The following AGTPBP1 variants were observed in gnomAD, a reference collection of about 807,000 sequenced individuals.
The protein encoded by AGTPBP1 is ATP/GTP binding carboxypeptidase 1.
Under a neutral mutation model 143.9 loss-of-function variants are expected in AGTPBP1, and 70 were observed. That is an observed-to-expected ratio of 0.49 (90% CI 0.40 to 0.59). The LOEUF is 0.59. Ranked by LOEUF, AGTPBP1 falls within the 20% of genes least tolerant of loss-of-function variation. The pLI, the probability that AGTPBP1 is intolerant of heterozygous loss-of-function variation, is 0.00. For missense variants in AGTPBP1, 1,229 were observed against 1,464.5 expected, an observed-to-expected ratio of 0.84 and a Z score of 2.62; for synonymous variants, 463 against 500.2, an observed-to-expected ratio of 0.93 and a Z score of 0.99.
intron 17 of AGTPBP1, among the ~76,000 whole-genome samples, chr9:85,599,754 T>C (rs1829545037): frequency 6.6e-6 from 1 of 152,258 alleles, no homozygotes; most frequent in South Asian, 2.1e-4. Context: ...AACGCTGACA[T>C]GCAGTTTGTT....
chr9:85,751,639 G>C, the AGTPBP1 span, among the ~76,000 whole-genome samples: 2 of 151,924 alleles, frequency 1.3e-5, no homozygotes, highest in African/African-American at 4.8e-5. Flanking sequence ...TTTTGAGACA[G>C]AGTCTCACTC....
chr9:85,655,067 C>T (rs1833411413), intron 11 of AGTPBP1, 76 bp downstream of exon 11: 1 of 1,335,076 alleles, frequency 7.5e-7, no homozygotes, highest in Middle Eastern at 2.0e-4. Context: ...AGGAGTTAGA[C>T]ATAAATAAAA....
chr9:85,763,988 G>T, the AGTPBP1 span, among the ~76,000 whole-genome samples: 89 of 152,070 alleles, frequency 5.9e-4, no homozygotes, highest in African/African-American at 2.0e-3. Flanking sequence ...TGAAATACGA[G>T]TAAAAACAAA....
At chr9:85,631,038 T>G (rs182667907) in intron 14 of AGTPBP1, among the ~76,000 whole-genome samples, 5 of 152,328 alleles carry the variant, frequency 3.3e-5, no homozygotes, top group African/African-American at 1.2e-4. Flanking sequence ...CTACCTCTAT[T>G]AGCTGATCTG....
Position 85,586,880 on chromosome 9 carries a change from T to C in AGTPBP1, c.2984A>G (p.His995Arg). 1.2e-6 allele frequency: 2 copies of C among 1,614,016 alleles called. No individual in the cohort carries two copies. The highest frequency in any genetic ancestry group is 1.7e-6 in the Non-Finnish European group (2 of 1,179,942). Residue 995 changes from histidine (H) to arginine (R), a missense_variant, in exon 22 of 26, where the codon CAT becomes CGT. Transcript: ENST00000357081. The part of the protein sequence containing the change: ...PSPDLHPTIY[H>R]AKGLLQYLAA... ...CAAGTATTGCAACAGCCCCTTAGCA[T>C]GGTAAATTGTAGGATGTAAATCCGG...
intron 3 of AGTPBP1, among the ~76,000 whole-genome samples, chr9:85,692,457 T>C (rs1352437977): frequency 6.6e-6 from 1 of 151,752 alleles, no homozygotes; most frequent in Admixed American, 6.6e-5. Flanking sequence ...TATTTTTTAG[T>C]AGAGACGGGG....
chr9:85,749,951 A>G, the AGTPBP1 span, among the ~76,000 whole-genome samples: 9 of 149,480 alleles, frequency 6.0e-5, no homozygotes, highest in South Asian at 2.1e-4. Flanking sequence ...GCGTGATCTC[A>G]TCTCACTGCA....
At chr9:85,798,336 T>G in the AGTPBP1 span, among the ~76,000 whole-genome samples, 1 of 151,282 alleles carries the variant, frequency 6.6e-6, no homozygotes, top group Non-Finnish European at 1.5e-5. Flanking sequence ...TCTGGCTTTC[T>G]GTACTGCTTT....
At chr9:85,590,218 A>T (rs1276603571) in intron 19 of AGTPBP1, among the ~76,000 whole-genome samples, 3 of 152,258 alleles carry the variant, frequency 2.0e-5, no homozygotes, top group South Asian at 2.1e-4. Flanking sequence ...AAAGAAAAAA[A>T]TTTTTTTAAG....
rs139469444 is a variant in AGTPBP1, at chr9:85,741,459, G to A, written c.-34+316C>T. On this transcript the variant is annotated intron_variant, in intron 1 of 25. Transcript: ENST00000357081. ...CGAGAGAAAGGGCTGAGCAGAAAGG[G>A]CGGCCTCCGCCCAGAGACCGCGCCC... The A allele has an allele frequency of 1.2e-4, 119 of 985,348 alleles. 1 individual carries two copies. In the Middle Eastern group the frequency reaches 2.6e-3, roughly 22 times the overall value. The allele number at this position is 985,348 out of a possible 1,614,324, so 61.0% of individuals were successfully genotyped here.
At chr9:85,564,513 A>G (rs1158313706) in intron 25 of AGTPBP1, among the ~76,000 whole-genome samples, 2 of 152,240 alleles carry the variant, frequency 1.3e-5, no homozygotes, top group African/African-American at 4.8e-5. Flanking sequence ...TAATGCATAT[A>G]TGACAGTGGT....
the AGTPBP1 span, among the ~76,000 whole-genome samples, chr9:85,761,566 G>C: frequency 4.4e-4 from 67 of 152,312 alleles, no homozygotes; most frequent in African/African-American, 1.6e-3. Flanking sequence ...AAACTGGCTA[G>C]CCATATGTAG....
At chr9:85,799,127 C>T in the AGTPBP1 span, among the ~76,000 whole-genome samples, 1 of 152,168 alleles carries the variant, frequency 6.6e-6, no homozygotes, top group Admixed American at 6.5e-5. Flanking sequence ...TGATGGTTTC[C>T]AGCTTCATTC....
intron 25 of AGTPBP1, among the ~76,000 whole-genome samples, chr9:85,574,844 G>T (rs1455327780): frequency 1.3e-5 from 2 of 152,078 alleles, no homozygotes; most frequent in African/African-American, 4.8e-5. Flanking sequence ...AAGTAGCTGG[G>T]ATTACAGGCA....
chr9:85,751,885 C>T, the AGTPBP1 span, among the ~76,000 whole-genome samples: 1 of 151,144 alleles, frequency 6.6e-6, no homozygotes, highest in African/African-American at 2.4e-5. Flanking sequence ...GGATTACAGG[C>T]ATGAGCCACC....
the AGTPBP1 span, among the ~76,000 whole-genome samples, chr9:85,785,282 C>T: frequency 2.0e-3 from 306 of 151,508 alleles, 1 homozygote; most frequent in African/African-American, 6.8e-3. Flanking sequence ...TGCAGTAAGC[C>T]GAGATCACAC....
At chr9:85,567,856 A>G (rs965515682) in intron 25 of AGTPBP1, among the ~76,000 whole-genome samples, 14 of 152,356 alleles carry the variant, frequency 9.2e-5, no homozygotes, top group African/African-American at 3.1e-4. Context: ...GGAATGATAA[A>G]GAAGCAATTT....
chr9:85,760,855 A>G, the AGTPBP1 span, among the ~76,000 whole-genome samples: 3 of 152,198 alleles, frequency 2.0e-5, no homozygotes, highest in Non-Finnish European at 4.4e-5. Context: ...ACATGATTGT[A>G]TATCTAGAAA....
the AGTPBP1 span, among the ~76,000 whole-genome samples, chr9:85,763,736 C>T: frequency 2.6e-5 from 4 of 151,888 alleles, no homozygotes; most frequent in African/African-American, 9.7e-5. Context: ...GAAACATGGA[C>T]ATAAACACCA....
Sources: allele counts gnomAD v4.1 joint callset (sites outside exome capture counted in the v4.1 genomes callset), GRCh38; gene constraint gnomAD v4.1.1; transcripts MANE v1.5; gene names NCBI Gene and HGNC (gene_info 2026-07-23, HGNC 2026-07-21).